The following SGIP1 variants were observed in gnomAD, a reference collection of about 807,000 sequenced individuals.
The protein encoded by SGIP1 is SH3GL interacting endocytic adaptor 1.
SGIP1 carries 38 observed loss-of-function variants against 107.5 expected under a neutral mutation model. The ratio of observed to expected loss-of-function variants is 0.35; its 90% confidence interval spans 0.27 to 0.46. The LOEUF (loss-of-function observed/expected upper bound fraction) is 0.46, where lower values mean the gene tolerates loss of function less well. Ranked by LOEUF, SGIP1 falls within the 20% of genes least tolerant of loss-of-function variation. The pLI, the probability that SGIP1 is intolerant of heterozygous loss-of-function variation, is 1.00. For synonymous variants in SGIP1, 365 were observed against 366.1 expected (o/e 1.00, Z 0.03); for missense variants, 929 against 1,019.5 (o/e 0.91, Z 1.21).
At chr1:66,560,451 G>C (rs1251192035) in intron 1 of SGIP1, among the ~76,000 whole-genome samples, 1 of 151,962 alleles carries the variant, frequency 6.6e-6, no homozygotes, top group Non-Finnish European at 1.5e-5. Context: ...ATTTTTGCCA[G>C]CATTGTACAA....
At chr1:66,646,175 C>T (rs2077627458) in intron 7 of SGIP1, among the ~76,000 whole-genome samples, 1 of 152,118 alleles carries the variant, frequency 6.6e-6, no homozygotes, top group African/African-American at 2.4e-5. Context: ...ATATGCAGCA[C>T]TTCCTCTCCA....
chr1:66,550,595 A>C (rs768732448), intron 1 of SGIP1, among the ~76,000 whole-genome samples: 6 of 152,152 alleles, frequency 3.9e-5, no homozygotes, highest in South Asian at 2.1e-4. Context: ...AGAGGAGGGA[A>C]TATTCAAATC....
chr1:66,536,529 A>C (rs2053648805), intron 1 of SGIP1, among the ~76,000 whole-genome samples: 1 of 152,178 alleles, frequency 6.6e-6, no homozygotes, highest in Admixed American at 6.5e-5. Flanking sequence ...GCATGGCAGA[A>C]TTTCACCTCT....
chr1:66,699,747 T>C (rs1247132103), intron 18 of SGIP1, among the ~76,000 whole-genome samples: 2 of 151,874 alleles, frequency 1.3e-5, no homozygotes, highest in Non-Finnish European at 2.9e-5. Context: ...AAAATACCTG[T>C]CCCCACAGAG....
At chr1:66,728,859 A>G (rs1557776567) in intron 19 of SGIP1, among the ~76,000 whole-genome samples, 2 of 152,222 alleles carry the variant, frequency 1.3e-5, no homozygotes, top group Non-Finnish European at 2.9e-5. Context: ...AGGAACAGAA[A>G]AACAAACACC....
intron 1 of SGIP1, among the ~76,000 whole-genome samples, chr1:66,588,239 A>G (rs1295852412): frequency 1.3e-5 from 2 of 152,096 alleles, no homozygotes; most frequent in African/African-American, 4.8e-5. Context: ...GAATAGCTCC[A>G]TATATATTTG....
chr1:66,748,657 A>G lies in SGIP1; in HGVS notation c.*5562A>G, dbSNP rs928592283. ...TTAAATACATCTTTATCCTTGTAAAAAATGTTTTGGCAAAAAACAAATATA... is the reference window on the plus strand; with the variant it reads ...TTAAATACATCTTTATCCTTGTAAAGAATGTTTTGGCAAAAAACAAATATA... On this transcript the variant is annotated 3_prime_UTR_variant, in exon 25 of 25. Transcript: ENST00000371037. Among the ~76,000 whole-genome samples, 1 of 152,016 alleles carries G rather than the reference A, an allele frequency of 6.6e-6. No individual in the cohort carries two copies. Among genetic ancestry groups the G allele is most frequent in the Non-Finnish European group, 1.5e-5 (1 of 67,874 alleles).
At position 66,719,362 on chromosome 1, in the gene SGIP1, A is replaced by T. The variant is rs2093408731; in HGVS notation, c.1699A>T (p.Thr567Ser). The change falls in exon 19 of 25, where the codon ACA (threonine) becomes TCA (serine). Residue 567 changes from threonine (T) to serine (S), a missense_variant. By Grantham distance (58) the Thr-to-Ser change is moderately conservative. Transcript: ENST00000371037. ...CACTCTCCCTGTTGCAGCAGCATTT[A>T]CAGAAACAGTCAATGCCTATTTCAA... ...QDTLPVAAAF[T>S]ETVNAYFKGA... The T allele has an allele frequency of 2.5e-6, 4 of 1,613,524 alleles. No individual in the cohort carries two copies. In the African/African-American group the frequency reaches 4.0e-5, roughly 16 times the overall value.
At chr1:66,545,610 G>A (rs1352286447) in intron 1 of SGIP1, among the ~76,000 whole-genome samples, 2 of 149,630 alleles carry the variant, frequency 1.3e-5, no homozygotes, top group Non-Finnish European at 3.0e-5. Flanking sequence ...GTTCTCCAGA[G>A]AGACAGAACT....
chr1:66,636,021 G>A lies in SGIP1; in HGVS notation c.171+6G>A. On this transcript the variant is annotated splice_donor_region_variant and intron_variant, in intron 4 of 24. Coordinates refer to ENST00000371037, the MANE Select transcript of SGIP1 (RefSeq NM_032291.4). The stretch of plus-strand genomic sequence containing the variant: ...AAGGAGGAAAAAAAGTTTCGGTAAG[G>A]AAACAGATTTTAGTTTAAAATTTCC... 1 of 1,612,826 alleles carries A rather than the reference G, an allele frequency of 6.2e-7. No homozygotes were observed.
chr1:66,690,557 T>C (rs2089595029), intron 17 of SGIP1: 1 of 505,964 alleles, frequency 2.0e-6, no homozygotes, highest in Non-Finnish European at 3.5e-6. Context: ...TCTTATGCTG[T>C]TCCATACAGA....
At chr1:66,627,752 A>T (rs2073218555) in intron 2 of SGIP1, among the ~76,000 whole-genome samples, 1 of 152,044 alleles carries the variant, frequency 6.6e-6, no homozygotes, top group Admixed American at 6.6e-5. Context: ...GAAGTTTGCC[A>T]TTTTCTTTCT....
At chr1:66,593,572 T>C (rs1268816638) in intron 1 of SGIP1, among the ~76,000 whole-genome samples, 2 of 152,218 alleles carry the variant, frequency 1.3e-5, no homozygotes, top group African/African-American at 2.4e-5. Context: ...AATACTGGTA[T>C]GAGCTACAAG....
chr1:66,620,612 C>T (rs1336812272), intron 1 of SGIP1, among the ~76,000 whole-genome samples: 1 of 152,162 alleles, frequency 6.6e-6, no homozygotes, highest in Non-Finnish European at 1.5e-5. Flanking sequence ...TGTGAGAACT[C>T]TCTCACCAGC....
intron 10 of SGIP1, among the ~76,000 whole-genome samples, chr1:66,671,606 T>C (rs1471428259): frequency 6.6e-6 from 1 of 152,206 alleles, no homozygotes; most frequent in Non-Finnish European, 1.5e-5. Flanking sequence ...TGGCTTAGTA[T>C]TCTCTTAATT....
rs145255676 is a variant in SGIP1, at chr1:66,587,639, A to G, written c.11-38208A>G. On this transcript the variant is annotated intron_variant, in intron 1 of 24. Transcript: ENST00000371037. ...ATCCTAACTAGGTTCCTAGACTGCC[A>G]GTGCTTATGTGAACATTCTAGGATA... Among the ~76,000 whole-genome samples, 1,338 of 152,228 alleles carry G rather than the reference A, an allele frequency of 8.8e-3. 15 individuals carry two copies. The highest frequency in any genetic ancestry group is 0.028 in the African/African-American group (1,180 of 41,548).
intron 1 of SGIP1, among the ~76,000 whole-genome samples, chr1:66,588,578 CA>C (rs2063028795): frequency 6.7e-6 from 1 of 148,152 alleles, no homozygotes. Context: ...ACTTTTACAG[CA>C]AAATAAAAGA....
chr1:66,709,079 C>T lies in SGIP1; in HGVS notation c.1631-10215C>T, dbSNP rs183103358. ...AGAGTTCTGGGATACATGCGCAGAA[C>T]GTGCATGTTTGTTACATAGGTATAC... is the stretch of plus-strand genomic sequence containing the variant. On this transcript the variant is annotated intron_variant, in intron 18 of 24. Coordinates refer to ENST00000371037, the MANE Select transcript of SGIP1 (RefSeq NM_032291.4). Among the ~76,000 whole-genome samples, 588 of 152,062 alleles carry T rather than the reference C, an allele frequency of 3.9e-3. 4 individuals are homozygous for T. The highest frequency in any genetic ancestry group is 5.7e-3 in the Non-Finnish European group (386 of 67,980).
At chr1:66,580,949 C>A (rs918155318) in intron 1 of SGIP1, among the ~76,000 whole-genome samples, 1 of 151,992 alleles carries the variant, frequency 6.6e-6, no homozygotes, top group African/African-American at 2.4e-5. Context: ...TATGCTAAAG[C>A]GTATTTATTT....
Sources: allele counts gnomAD v4.1 joint callset (sites outside exome capture counted in the v4.1 genomes callset), GRCh38; gene constraint gnomAD v4.1.1; transcripts MANE v1.5; gene names NCBI Gene and HGNC (gene_info 2026-07-23, HGNC 2026-07-21).